The following IKZF2 variants were observed in gnomAD, a reference collection of about 807,000 sequenced individuals.
IKZF2 encodes the protein zinc finger protein Helios.
IKZF2 carries 15 observed loss-of-function variants against 49.2 expected under a neutral mutation model. The ratio of observed to expected loss-of-function variants is 0.30; its 90% confidence interval spans 0.20 to 0.47. The LOEUF (loss-of-function observed/expected upper bound fraction) is 0.47. Among genes scored for constraint, IKZF2 ranks in the 20% least tolerant of loss-of-function variants. The probability of loss-of-function intolerance (pLI) is 1.00; values close to 1 mark genes in which losing one functional copy is unlikely to be tolerated. For synonymous variants in IKZF2, 227 were observed against 221.4 expected (o/e 1.03, Z -0.23); for missense variants, 567 against 664.6 (o/e 0.85, Z 1.61).
At chr2:213,073,114 T>C (rs1377293139) in intron 4 of IKZF2, among the ~76,000 whole-genome samples, 1 of 152,184 alleles carries the variant, frequency 6.6e-6, no homozygotes, top group Non-Finnish European at 1.5e-5. Flanking sequence ...GTCTACTTAA[T>C]ACGTCATAAG....
At chr2:213,140,438 T>A (rs566847927) in intron 4 of IKZF2, among the ~76,000 whole-genome samples, 1 of 152,088 alleles carries the variant, frequency 6.6e-6, no homozygotes, top group Admixed American at 6.6e-5. Flanking sequence ...AGTATTAAAT[T>A]CCTTAGCTAT....
chr2:213,065,297 T>C (rs1214837564), intron 4 of IKZF2, among the ~76,000 whole-genome samples: 2 of 152,052 alleles, frequency 1.3e-5, no homozygotes, highest in East Asian at 3.9e-4. Context: ...ATTACAGTGA[T>C]TTCATCAGAA....
At chr2:213,042,760 T>C (rs930525534) in intron 6 of IKZF2, among the ~76,000 whole-genome samples, 1 of 152,128 alleles carries the variant, frequency 6.6e-6, no homozygotes, top group African/African-American at 2.4e-5. Context: ...CTAAAGATAA[T>C]GTGTTATGGG....
At chr2:213,141,604 T>C (rs573835566) in intron 4 of IKZF2, among the ~76,000 whole-genome samples, 2 of 152,102 alleles carry the variant, frequency 1.3e-5, no homozygotes, top group South Asian at 2.1e-4. Flanking sequence ...CAGTTACTCC[T>C]AAATCCTATT....
intron 4 of IKZF2, among the ~76,000 whole-genome samples, chr2:213,128,939 A>C (rs1180021080): frequency 1.3e-5 from 2 of 150,682 alleles, no homozygotes; most frequent in Non-Finnish European, 2.9e-5. Flanking sequence ...GGCGTGAGCC[A>C]CCACATCTGG....
chr2:213,110,384 TATA>T (rs1349171824), intron 4 of IKZF2, among the ~76,000 whole-genome samples: 1 of 151,940 alleles, frequency 6.6e-6, no homozygotes, highest in African/African-American at 2.4e-5. Context: ...AGTTTTTAAA[TATA>T]ATTATTAGTA....
At position 213,007,888 on chromosome 2, in the gene IKZF2, T is replaced by C. The variant is rs1695511039; in HGVS notation, c.1053A>G (p.Ile351Met). Residue 351 changes from isoleucine (I) to methionine (M), a missense_variant, in exon 9 of 9, where the codon ATA (isoleucine) becomes ATG (methionine). Physicochemically the swap from Ile to Met is conservative, Grantham distance 10 (BLOSUM62 1). Around this residue, in one of 5 missense-constraint regions of IKZF2, gnomAD observed 310 missense variants for 326.9 expected, o/e 0.95. Coordinates refer to ENST00000434687, the MANE Select transcript of IKZF2 (RefSeq NM_001387220.1). The part of the protein sequence containing the change: ...PSTIAEVAPV[I>M]SSAYSQVYHP... The stretch of plus-strand genomic sequence containing the variant: ...GATAGACCTGAGAATAAGCTGAGCT[T>C]ATAACTGGGGCCACTTCAGCGATTG... 1 of 1,613,546 alleles carries C rather than the reference T, an allele frequency of 6.2e-7. No homozygotes were observed. Among genetic ancestry groups the C allele is most frequent in the Admixed American group, 1.7e-5 (1 of 59,906 alleles).
intron 1 of IKZF2, 69 bp downstream of exon 1, chr2:213,151,344 T>C (rs182770176): frequency 6.6e-6 from 1 of 152,348 alleles, no homozygotes. Context: ...CATATTTATA[T>C]ATAATCTATG....
At chr2:213,022,323 G>A (rs946577167) in intron 6 of IKZF2, among the ~76,000 whole-genome samples, 193 bp from the exon 7 acceptor site, 2 of 152,146 alleles carry the variant, frequency 1.3e-5, no homozygotes, top group Non-Finnish European at 2.9e-5. Context: ...AAGACAGGTG[G>A]ATCGTACCTC....
intron 4 of IKZF2, among the ~76,000 whole-genome samples, chr2:213,099,425 G>C (rs1187001494): frequency 1.3e-5 from 2 of 152,104 alleles, no homozygotes; most frequent in Admixed American, 6.6e-5. Context: ...ACTTGAACAT[G>C]ATGTCCTTAA....
intron 8 of IKZF2, 64 bp downstream of exon 8, chr2:213,013,727 T>C: frequency 3.5e-6 from 5 of 1,423,210 alleles, no homozygotes; most frequent in Non-Finnish European, 4.8e-6. Flanking sequence ...TTCTAATACA[T>C]GGGAACTTGC....
At chr2:213,135,823 G>A (rs903331956) in intron 4 of IKZF2, among the ~76,000 whole-genome samples, 2 of 151,768 alleles carry the variant, frequency 1.3e-5, no homozygotes, top group Non-Finnish European at 2.9e-5. Context: ...TGCCGGGCAC[G>A]GTGGCTCACA....
intron 4 of IKZF2, among the ~76,000 whole-genome samples, chr2:213,103,180 A>C (rs74978623): frequency 0.022 from 3,317 of 152,260 alleles, 126 homozygotes; most frequent in African/African-American, 0.075. Flanking sequence ...TAATTTATTC[A>C]TACAAGGTCA....
chr2:213,041,820 A>G (rs1401475480), intron 6 of IKZF2, among the ~76,000 whole-genome samples: 1 of 152,240 alleles, frequency 6.6e-6, no homozygotes, highest in African/African-American at 2.4e-5. Flanking sequence ...AAGACTCAAT[A>G]TAAACCTTAA....
intron 4 of IKZF2, among the ~76,000 whole-genome samples, chr2:213,126,413 G>A (rs757041245): frequency 2.6e-5 from 4 of 151,992 alleles, no homozygotes; most frequent in Admixed American, 6.6e-5. Context: ...AGGAGGTACC[G>A]GTAATAAATA....
intron 4 of IKZF2, among the ~76,000 whole-genome samples, chr2:213,084,691 T>C (rs1031670183): frequency 3.5e-4 from 54 of 152,274 alleles, no homozygotes; most frequent in African/African-American, 1.3e-3. Flanking sequence ...ATGAGCATTA[T>C]CTGAAGGCCT....
chr2:213,037,644 G>T (rs2125237525), intron 6 of IKZF2, among the ~76,000 whole-genome samples: 1 of 152,276 alleles, frequency 6.6e-6, no homozygotes, highest in South Asian at 2.1e-4. Context: ...TTTCTTCAGT[G>T]TTTATTGCAA....
chr2:213,002,615 C>T lies in IKZF2; in HGVS notation c.*4745G>A, dbSNP rs13416185. 2.0e-5 allele frequency: 3 copies of T among 151,772 alleles called. No homozygotes were observed. The highest frequency in any genetic ancestry group is 7.3e-5 in the African/African-American group (3 of 41,298). The allele number at this position is 151,772 out of a possible 1,614,324, so 9.4% of individuals were successfully genotyped here. ...CACACCCATTGCAAGTAATACACAA[C>T]CATGATATGAAACCATTTGAGATTA... is the stretch of plus-strand genomic sequence containing the variant. On this transcript the variant is annotated 3_prime_UTR_variant, in exon 9 of 9. Transcript: ENST00000434687.
intron 4 of IKZF2, among the ~76,000 whole-genome samples, chr2:213,065,432 C>T (rs1453995920): frequency 6.6e-6 from 1 of 151,990 alleles, no homozygotes; most frequent in East Asian, 1.9e-4. Context: ...TTTGTTGAAC[C>T]AGTGCTGCTG....
Sources: gnomAD v4.1 joint callset for allele counts (sites outside exome capture counted in the v4.1 genomes callset) on GRCh38, gnomAD v4.1.1 for gene constraint, gnomAD v4.1.1 regional missense constraint, MANE v1.5 for transcripts, NCBI Gene and HGNC (gene_info 2026-07-23, HGNC 2026-07-21) for gene names.